The following NRG1 variants were observed in gnomAD, a reference collection of about 807,000 sequenced individuals.
The protein encoded by NRG1 is neuregulin 1.
Under a neutral mutation model 63.8 loss-of-function variants are expected in NRG1, and 18 were observed. The observed-to-expected ratio is 0.28, with a 90% CI of 0.19 to 0.42. The LOEUF (loss-of-function observed/expected upper bound fraction) is 0.42. NRG1 is among the 10% of genes least tolerant of loss of function. The pLI is 1.00. For synonymous variants in NRG1, 302 were observed against 301.3 expected, an observed-to-expected ratio of 1.00 and a Z score of -0.02; for missense variants, 762 against 814.7, an observed-to-expected ratio of 0.94 and a Z score of 0.79.
At chr8:32,231,811 A>T (rs1846979183) in intron 1 of NRG1, among the ~76,000 whole-genome samples, 1 of 151,746 alleles carries the variant, frequency 6.6e-6, no homozygotes, top group Non-Finnish European at 1.5e-5. Context: ...CTGAGACAGA[A>T]TTGAATTCGA....
chr8:32,560,016 C>CAAAAT (rs1180925544), intron 1 of NRG1, among the ~76,000 whole-genome samples: 3 of 151,514 alleles, frequency 2.0e-5, no homozygotes, highest in Non-Finnish European at 4.4e-5. Flanking sequence ...GACCCTGTGT[C>CAAAAT]AAAATAAAAT....
chr8:32,674,775 C>G (rs1213387183), intron 5 of NRG1, among the ~76,000 whole-genome samples: 3 of 152,118 alleles, frequency 2.0e-5, no homozygotes, highest in Non-Finnish European at 2.9e-5. Flanking sequence ...AAATGGTTCT[C>G]TGCTCCCCTC....
intron 1 of NRG1, among the ~76,000 whole-genome samples, chr8:32,087,482 CTT>C (rs67438409): frequency 2.2e-5 from 2 of 90,276 alleles, no homozygotes; most frequent in African/African-American, 3.8e-5. Context: ...TCTTTTCTTT[CTT>C]TTTTTTTTTT....
intron 1 of NRG1, among the ~76,000 whole-genome samples, chr8:31,751,062 A>G (rs1344965636): frequency 6.6e-6 from 1 of 151,948 alleles, no homozygotes; most frequent in Admixed American, 6.6e-5. Context: ...TTTTATTTCA[A>G]TCCCCAAAGT....
intron 1 of NRG1, among the ~76,000 whole-genome samples, chr8:32,582,198 A>G (rs1444415324): frequency 6.6e-6 from 1 of 151,568 alleles, no homozygotes; most frequent in Non-Finnish European, 1.5e-5. Flanking sequence ...CCTGGGCTCA[A>G]GTGCTCTGCC....
chr8:32,352,957 T>G (rs1805819813), intron 1 of NRG1, among the ~76,000 whole-genome samples: 1 of 121,794 alleles, frequency 8.2e-6, no homozygotes, highest in African/African-American at 2.6e-5. Flanking sequence ...TGTATATATA[T>G]ATATACAGAG....
At chr8:31,820,204 G>A (rs1009911968) in intron 1 of NRG1, among the ~76,000 whole-genome samples, 6 of 152,254 alleles carry the variant, frequency 3.9e-5, no homozygotes, top group South Asian at 2.1e-4. Flanking sequence ...GGAGTAACGC[G>A]ATGAGGGCCA....
At chr8:32,209,185 C>T (rs1221997010) in intron 1 of NRG1, among the ~76,000 whole-genome samples, 6 of 152,036 alleles carry the variant, frequency 3.9e-5, no homozygotes, top group Admixed American at 2.6e-4. Context: ...GAATTAAATG[C>T]GTTTCTCTCC....
intron 1 of NRG1, among the ~76,000 whole-genome samples, chr8:32,246,605 A>G (rs1185203180): frequency 6.6e-6 from 1 of 152,210 alleles, no homozygotes; most frequent in Non-Finnish European, 1.5e-5. Context: ...GCAAAATTCT[A>G]TTTGTAAATG....
chr8:31,769,113 C>T (rs1297307127), intron 1 of NRG1, among the ~76,000 whole-genome samples: 1 of 152,216 alleles, frequency 6.6e-6, no homozygotes, highest in Non-Finnish European at 1.5e-5. Context: ...TTTGTGTCAT[C>T]TATTCCCCCC....
intron 1 of NRG1, among the ~76,000 whole-genome samples, chr8:31,889,711 A>T (rs933985328): frequency 1.3e-5 from 2 of 152,208 alleles, no homozygotes; most frequent in Non-Finnish European, 2.9e-5. Context: ...GTAAAGCAGG[A>T]GAACTCTGCA....
At chr8:32,202,117 C>G (rs559495790) in intron 1 of NRG1, among the ~76,000 whole-genome samples, 1 of 152,060 alleles carries the variant, frequency 6.6e-6, no homozygotes, top group Non-Finnish European at 1.5e-5. Context: ...CTTCCACCAG[C>G]TGATTTTTAT....
chr8:32,169,372 T>C (rs76689421), intron 1 of NRG1, among the ~76,000 whole-genome samples: 6,414 of 152,312 alleles, frequency 0.042, 208 homozygotes, highest in Middle Eastern at 0.096. Flanking sequence ...TGTTGAAAAC[T>C]TGTAGTGATG....
chr8:31,877,034 C>T (rs949894361), intron 1 of NRG1, among the ~76,000 whole-genome samples: 1 of 152,120 alleles, frequency 6.6e-6, no homozygotes, highest in Non-Finnish European at 1.5e-5. Flanking sequence ...ATTCAAGACA[C>T]ACATCCAAAT....
intron 1 of NRG1, among the ~76,000 whole-genome samples, chr8:32,428,876 ACT>A (rs567325010): frequency 6.6e-6 from 1 of 151,754 alleles, no homozygotes; most frequent in Non-Finnish European, 1.5e-5. Flanking sequence ...ATTTCTACAG[ACT>A]CTCTCATACC....
rs57462564 is a variant in NRG1 at position 32,620,521 on chromosome 8, GAAA to G, written c.502+3653_502+3655del. ...CTCTTTAACTCATGTTGGATTAGAA[GAAA>G]AAAAAAAAAAAAAAAAGAGCAGGCA... On this transcript the variant is annotated intron_variant, in intron 5 of 11. Transcript: ENST00000356819. Among the ~76,000 whole-genome samples the G allele has an allele frequency of 9.9e-3, 1,208 of 122,168 alleles. 1 individual carries two copies. The highest frequency in any genetic ancestry group is 0.036 in the Middle Eastern group (8 of 220). The allele number at this position is 122,168 out of a possible 152,430, so 80.1% of individuals were successfully genotyped here.
chr8:32,257,329 A>G (rs1031138016), intron 1 of NRG1, among the ~76,000 whole-genome samples: 1 of 152,116 alleles, frequency 6.6e-6, no homozygotes, highest in Non-Finnish European at 1.5e-5. Flanking sequence ...TGCCACTGGT[A>G]TGAAAAAAAA....
At chr8:32,501,024 C>T (rs1442388257) in intron 1 of NRG1, among the ~76,000 whole-genome samples, 1 of 152,190 alleles carries the variant, frequency 6.6e-6, no homozygotes, top group Non-Finnish European at 1.5e-5. Context: ...CTCCAGAGTA[C>T]CTGCCAAGGT....
chr8:32,032,296 T>G (rs912538535), intron 1 of NRG1, among the ~76,000 whole-genome samples: 5 of 152,116 alleles, frequency 3.3e-5, no homozygotes, highest in Admixed American at 6.5e-5. Flanking sequence ...AGTCTCACAG[T>G]GTCGTTCAGG....
Sources: gnomAD v4.1 joint callset for allele counts (sites outside exome capture counted in the v4.1 genomes callset) on GRCh38, gnomAD v4.1.1 for gene constraint, MANE v1.5 for transcripts, NCBI Gene and HGNC (gene_info 2026-07-23, HGNC 2026-07-21) for gene names.